STYXL2: variants seen among roughly 807,000 people sequenced by gnomAD.
STYXL2 encodes the protein serine/threonine/tyrosine-interacting-like protein 2.
A neutral mutation model predicts 52.4 loss-of-function variants in STYXL2; 44 were observed. The ratio of observed to expected loss-of-function variants is 0.84; its 90% CI spans 0.66 to 1.08. The LOEUF (loss-of-function observed/expected upper bound fraction) is 1.08, where lower values mean the gene tolerates loss of function less well. Among genes scored for constraint, STYXL2 ranks in the 50% least tolerant of loss-of-function variants. The pLI is 0.00. For synonymous variants in STYXL2, 604 were observed against 586.9 expected (o/e 1.03, Z -0.42); for missense variants, 1,604 against 1,471.7 (o/e 1.09, Z -1.47).
At position 167,119,102 on chromosome 1, in the gene STYXL2, T is replaced by C. The variant is rs924991588; in HGVS notation, c.438-147T>C. The C allele has an allele frequency of 1.5e-4, 105 of 683,218 alleles. No homozygotes were observed. The Middle Eastern group carries it at 2.0e-3, about 13-fold the overall frequency. 42.3% of individuals were successfully genotyped at this position (683,218 alleles called of 1,614,324 possible). Reference sequence around the variant, plus strand: ...CATCAACTCTTTCTATAATGGTATTTGCAGTGATCCCCAGACAACCAGGGG... The same window carrying C: ...CATCAACTCTTTCTATAATGGTATTCGCAGTGATCCCCAGACAACCAGGGG... On this transcript the variant is annotated intron_variant, in intron 4 of 5. Transcript: ENST00000361200.
Position 167,128,688 on chromosome 1 carries a change from G to T in STYXL2, c.*80G>T. On this transcript the variant is annotated 3_prime_UTR_variant, in exon 6 of 6. Transcript: ENST00000361200. ...AGGGCACACGTTGCCACCACTCATC[G>T]CAGGATGAGGATACAGAGAGGATCT... The T allele has an allele frequency of 6.7e-7, 1 of 1,489,858 alleles. No individual in the cohort carries two copies. Among genetic ancestry groups the T allele is most frequent in the Non-Finnish European group, 8.9e-7 (1 of 1,129,332 alleles). The allele number at this position is 1,489,858 out of a possible 1,614,324, so 92.3% of individuals were successfully genotyped here. A position where few individuals can be genotyped will look rare whatever the true frequency, so the allele number is the denominator to read the frequency against.
In STYXL2 at chr1:167,127,509, C is replaced by G; in HGVS notation, c.2378C>G (p.Ser793Cys). ...CCTCAGAGCCAGGCAAGACCCAGCT[C>G]TGACATGCAGTCTGTGCTGTCCTGC... ...LLPQSQARPS[S>C]DMQSVLSCNT... Residue 793 changes from serine to cysteine, a missense_variant, in exon 6 of 6, where the codon TCT becomes TGT. Coordinates refer to ENST00000361200, the MANE Select transcript of STYXL2 (RefSeq NM_001080426.3). 6 of 1,614,136 alleles carry G rather than the reference C, an allele frequency of 3.7e-6. No homozygotes were observed. Among genetic ancestry groups the G allele is most frequent in the South Asian group, 1.1e-5 (1 of 91,076 alleles).
chr1:167,107,295 T>C (rs1667524067), intron 2 of STYXL2, among the ~76,000 whole-genome samples: 1 of 152,218 alleles, frequency 6.6e-6, no homozygotes, highest in South Asian at 2.1e-4. Context: ...TCCACCATGT[T>C]GTATTCTATT....
At chr1:167,121,206 T>G (rs1178269683) in intron 5 of STYXL2, among the ~76,000 whole-genome samples, 2 of 151,862 alleles carry the variant, frequency 1.3e-5, no homozygotes, top group East Asian at 1.9e-4. Flanking sequence ...AGAGAGGGGA[T>G]TTCGCCATAT....
intron 2 of STYXL2, among the ~76,000 whole-genome samples, chr1:167,110,130 A>G (rs965792504): frequency 6.6e-6 from 1 of 152,200 alleles, no homozygotes; most frequent in South Asian, 2.1e-4. Flanking sequence ...AATAATAGTC[A>G]CTGCAGTCCA....
At chr1:167,104,510 G>C (rs901738350) in intron 2 of STYXL2, among the ~76,000 whole-genome samples, 2 of 152,046 alleles carry the variant, frequency 1.3e-5, no homozygotes, top group African/African-American at 4.8e-5. Flanking sequence ...AGGAGACAGG[G>C]GCATGAAGTG....
At chr1:167,120,283 A>T (rs572908778) in intron 5 of STYXL2, among the ~76,000 whole-genome samples, 14 of 152,276 alleles carry the variant, frequency 9.2e-5, no homozygotes, top group Middle Eastern at 3.4e-3. Context: ...CTGGCTGGGA[A>T]GAGTTGAGGA....
rs905986567 is a variant in STYXL2, at chr1:167,097,812, G to C, written c.110+2853G>C. On this transcript the variant is annotated intron_variant, in intron 2 of 5. Transcript: ENST00000361200. Reference sequence around the variant, plus strand: ...ATACTCCAATTAAAAGACAAAGATGGTCAAACTCAATTTTTTTAAAAAGGC... The same window carrying C: ...ATACTCCAATTAAAAGACAAAGATGCTCAAACTCAATTTTTTTAAAAAGGC... Among the ~76,000 whole-genome samples, 3 of 151,830 alleles carry C rather than the reference G, an allele frequency of 2.0e-5. No homozygotes were observed. The East Asian group carries it at 5.8e-4, about 29-fold the overall frequency.
At chr1:167,124,744 A>C (rs1447264315) in intron 5 of STYXL2, among the ~76,000 whole-genome samples, 1 of 152,236 alleles carries the variant, frequency 6.6e-6, no homozygotes, top group Non-Finnish European at 1.5e-5. Context: ...GCAGTTTTTA[A>C]AAAACGTTTT....
intron 5 of STYXL2, among the ~76,000 whole-genome samples, chr1:167,124,124 C>G (rs532139706): frequency 2.0e-5 from 3 of 151,304 alleles, no homozygotes; most frequent in African/African-American, 7.3e-5. Flanking sequence ...GTTGCCAGGC[C>G]GGTCTCAAAC....
At chr1:167,106,396 T>G (rs1667507490) in intron 2 of STYXL2, among the ~76,000 whole-genome samples, 1 of 152,118 alleles carries the variant, frequency 6.6e-6, no homozygotes, top group African/African-American at 2.4e-5. Context: ...ACGGACCAAG[T>G]AGGAGAAATG....
intron 5 of STYXL2, among the ~76,000 whole-genome samples, chr1:167,124,668 T>C (rs1459434035): frequency 6.6e-6 from 1 of 152,222 alleles, no homozygotes; most frequent in Non-Finnish European, 1.5e-5. Flanking sequence ...AAGATGTTAG[T>C]AGGAATTTGT....
At chr1:167,105,104 C>T (rs1240049050) in intron 2 of STYXL2, among the ~76,000 whole-genome samples, 1 of 152,116 alleles carries the variant, frequency 6.6e-6, no homozygotes, top group Non-Finnish European at 1.5e-5. Context: ...CTCCTTCCCT[C>T]CCTTTCTTCC....
intron 2 of STYXL2, among the ~76,000 whole-genome samples, chr1:167,103,844 G>C (rs867351191): frequency 6.6e-6 from 1 of 152,138 alleles, no homozygotes; most frequent in Non-Finnish European, 1.5e-5. Context: ...GTGCACAGCC[G>C]GGCGCGGTGG....
intron 3 of STYXL2, among the ~76,000 whole-genome samples, chr1:167,116,771 C>T (rs1214739976): frequency 6.6e-6 from 1 of 151,140 alleles, no homozygotes; most frequent in East Asian, 2.0e-4. Flanking sequence ...CCTGCCTCAG[C>T]CTCCCAAGTA....
At position 167,113,891 on chromosome 1, in the gene STYXL2, C is replaced by A. The variant is rs187826650; in HGVS notation, c.205+87C>A. ...GGGGCCATTGGAAGACGTCAATGTG[C>A]CTCTCAGGTGCTGCCCATCACGTTA... On this transcript the variant is annotated intron_variant, in intron 3 of 5. Coordinates refer to ENST00000361200, the MANE Select transcript of STYXL2 (RefSeq NM_001080426.3). 6.1e-5 allele frequency: 62 copies of A among 1,018,642 alleles called. 1 individual carries two copies. In the African/African-American group the frequency reaches 6.1e-4, roughly 10 times the overall value. 63.1% of individuals were successfully genotyped at this position (1,018,642 alleles called of 1,614,324 possible). A position where few individuals can be genotyped will look rare whatever the true frequency, so the allele number is the denominator to read the frequency against.
rs1391057898 is a variant in STYXL2, at chr1:167,094,822, C to A, written c.-16-12C>A. 9 of 1,590,408 alleles carry A rather than the reference C, an allele frequency of 5.7e-6. No individual in the cohort carries two copies. The highest frequency in any genetic ancestry group is 7.7e-6 in the Non-Finnish European group (9 of 1,164,666). Reference sequence around the variant, plus strand: ...TAATTCCCTAACTGCCTTTTTCTTGCCAAACTTTCAGAGGTTGGCAGGTTG... The same window carrying A: ...TAATTCCCTAACTGCCTTTTTCTTGACAAACTTTCAGAGGTTGGCAGGTTG... On this transcript the variant is annotated splice_polypyrimidine_tract_variant and intron_variant, in intron 1 of 5. Coordinates refer to ENST00000361200, the MANE Select transcript of STYXL2 (RefSeq NM_001080426.3).
At chr1:167,116,580 A>G (rs1366292807) in intron 3 of STYXL2, among the ~76,000 whole-genome samples, 1 of 152,172 alleles carries the variant, frequency 6.6e-6, no homozygotes, top group Non-Finnish European at 1.5e-5. Flanking sequence ...GAGTCAAACT[A>G]ACAGAGTGAA....
At chr1:167,095,063 C>T in intron 2 of STYXL2, 104 bp downstream of exon 2, 1 of 761,238 alleles carries the variant, frequency 1.3e-6, no homozygotes, top group African/African-American at 1.8e-5. Context: ...CCTCGGTTCA[C>T]TCATTTAACA....
Sources: gnomAD v4.1 joint callset for allele counts (sites outside exome capture counted in the v4.1 genomes callset) on GRCh38, gnomAD v4.1.1 for gene constraint, MANE v1.5 for transcripts, NCBI Gene and HGNC (gene_info 2026-07-23, HGNC 2026-07-21) for gene names.